PCDHGA9: variants seen among roughly 807,000 people sequenced by gnomAD.
PCDHGA9 encodes the protein protocadherin gamma-A9.
In PCDHGA9, 37 loss-of-function variants were observed where a neutral mutation model predicts 62.5. The ratio of observed to expected loss-of-function variants is 0.59; its 90% CI spans 0.46 to 0.78. The LOEUF (loss-of-function observed/expected upper bound fraction) is 0.78. PCDHGA9 is among the 30% of genes least tolerant of loss of function. PCDHGA9 has a pLI of 0.00. For synonymous variants in PCDHGA9, 459 were observed against 484.6 expected (o/e 0.95, Z 0.69); for missense variants, 1,138 against 1,166.2 (o/e 0.98, Z 0.35).
In PCDHGA9 at chr5:141,403,088, G is replaced by C. The variant is rs1561685667; in HGVS notation, c.136G>C (p.Gly46Arg). ...PEETEKGYIVGNISKDLALEP... is the reference protein window; with the variant it reads ...PEETEKGYIVRNISKDLALEP... The stretch of plus-strand genomic sequence containing the variant: ...AGAGACAGAAAAGGGCTATATTGTG[G>C]GCAACATCTCCAAGGACCTGGCTCT... Residue 46 changes from glycine to arginine, a missense_variant, in exon 1 of 4, where the codon GGC becomes CGC. Coordinates refer to ENST00000573521, the MANE Select transcript of PCDHGA9 (RefSeq NM_018921.3). 1.2e-6 allele frequency: 2 copies of C among 1,614,030 alleles called. No individual in the cohort carries two copies. Among genetic ancestry groups the C allele is most frequent in the Non-Finnish European group, 1.7e-6 (2 of 1,179,896 alleles).
chr5:141,478,272 A>T, intron 1 of PCDHGA9: 7 of 1,614,160 alleles, frequency 4.3e-6, no homozygotes, highest in Non-Finnish European at 5.9e-6. Context: ...AAAGTTTACA[A>T]GTGGAAGCAG....
chr5:141,443,826 G>C (rs955306823), intron 1 of PCDHGA9, among the ~76,000 whole-genome samples: 1 of 151,978 alleles, frequency 6.6e-6, no homozygotes, highest in African/African-American at 2.4e-5. Flanking sequence ...AACATAATTA[G>C]GTAAAATGGG....
Position 141,477,872 on chromosome 5 carries a change from G to A in PCDHGA9, c.2425-16935G>A. The stretch of plus-strand genomic sequence containing the variant: ...GGAGATGCTGCCTCGAGGTACCTCA[G>A]CTGGCCACCTAGTGTCACGGGTGGT... On this transcript the variant is annotated intron_variant, in intron 1 of 3. Coordinates refer to ENST00000573521, the MANE Select transcript of PCDHGA9 (RefSeq NM_018921.3). This position sits in a 1 kb window ranked among gnomAD's most constrained non-coding sequence, Gnocchi z 4.9. The A allele has an allele frequency of 6.2e-7, 1 of 1,614,180 alleles. No individual in the cohort carries two copies. Among genetic ancestry groups the A allele is most frequent in the African/African-American group, 1.3e-5 (1 of 75,058 alleles).
Position 141,476,441 on chromosome 5 carries a change from GAGTTGGT to G in PCDHGA9, c.2425-18362_2425-18356del. 3 of 1,614,160 alleles carry G rather than the reference GAGTTGGT, an allele frequency of 1.9e-6. No homozygotes were observed. The South Asian group carries it at 3.3e-5, about 18-fold the overall frequency. ...ACTGCCCTCTTGCACTGTAACTCTG[GAGTTGGT>G]AGTGGAGAACCCGCTGGAGCTGTTC... On this transcript the variant is annotated intron_variant, in intron 1 of 3. Transcript: ENST00000573521. The surrounding 1 kb of genome is among the most constrained non-coding windows in gnomAD (Gnocchi z 7.6).
chr5:141,421,384 C>T (rs960627405), intron 1 of PCDHGA9: 5 of 1,613,928 alleles, frequency 3.1e-6, no homozygotes, highest in Non-Finnish European at 4.2e-6. Context: ...CTCCAAGGAC[C>T]TGGGGCTGGA....
In PCDHGA9 at chr5:141,432,249, A is replaced by G; in HGVS notation, c.2424+26873A>G. The G allele has an allele frequency of 6.2e-7, 1 of 1,614,206 alleles. No individual in the cohort carries two copies. Among genetic ancestry groups the G allele is most frequent in the Non-Finnish European group, 8.5e-7 (1 of 1,180,044 alleles). On this transcript the variant is annotated intron_variant, in intron 1 of 3. Coordinates refer to ENST00000573521, the MANE Select transcript of PCDHGA9 (RefSeq NM_018921.3). The surrounding 1 kb of genome is among the most constrained non-coding windows in gnomAD (Gnocchi z 6.0). ...TATTCCCTGGCTGAGAACACCATCC[A>G]AGGGGCAAGCCTATCGTCCTACGTG...
chr5:141,415,434 C>T, intron 1 of PCDHGA9: 2 of 1,614,192 alleles, frequency 1.2e-6, no homozygotes, highest in Non-Finnish European at 1.7e-6. Context: ...TTCGGGCTTT[C>T]CTGCAGACCT....
intron 1 of PCDHGA9, among the ~76,000 whole-genome samples, chr5:141,442,917 G>A (rs1041756930): frequency 6.6e-6 from 1 of 152,178 alleles, no homozygotes; most frequent in Non-Finnish European, 1.5e-5. Context: ...GCACACAACT[G>A]TTTCATTTTC....
intron 1 of PCDHGA9, among the ~76,000 whole-genome samples, chr5:141,467,296 A>T (rs1032802325): frequency 1.3e-5 from 2 of 151,740 alleles, no homozygotes; most frequent in South Asian, 4.2e-4. Flanking sequence ...CAAGTGATCC[A>T]CTCACCTCGG....
chr5:141,413,630 C>T (rs746896115), intron 1 of PCDHGA9: 2 of 1,613,692 alleles, frequency 1.2e-6, no homozygotes, highest in Admixed American at 3.3e-5. Flanking sequence ...AATGTCGCTG[C>T]GGGAATGCGT....
At chr5:141,409,511 A>C in intron 1 of PCDHGA9, 1 of 1,614,018 alleles carries the variant, frequency 6.2e-7, no homozygotes, top group Non-Finnish European at 8.5e-7. Flanking sequence ...TTCCAGTAGA[A>C]GCATCACCTT....
At chr5:141,405,473 G>A in intron 1 of PCDHGA9, 97 bp downstream of exon 1, 3 of 1,066,958 alleles carry the variant, frequency 2.8e-6, no homozygotes, top group Non-Finnish European at 4.0e-6. Flanking sequence ...AGGCTGGAAT[G>A]CAGTGGTGTG....
intron 1 of PCDHGA9, among the ~76,000 whole-genome samples, chr5:141,470,537 A>G (rs189730495): frequency 1.3e-5 from 2 of 152,256 alleles, no homozygotes; most frequent in Non-Finnish European, 2.9e-5. Context: ...TGTATCAGGT[A>G]ATATTTATTG....
chr5:141,463,532 T>C (rs1237301892), intron 1 of PCDHGA9, among the ~76,000 whole-genome samples: 2 of 133,692 alleles, frequency 1.5e-5, no homozygotes, highest in Non-Finnish European at 3.1e-5. Flanking sequence ...TACTAGAAAC[T>C]CCGGCTCCCG....
At chr5:141,426,052 G>T (rs2096912121) in intron 1 of PCDHGA9, among the ~76,000 whole-genome samples, 1 of 152,162 alleles carries the variant, frequency 6.6e-6, no homozygotes, top group South Asian at 2.1e-4. Flanking sequence ...TGGCCAATGT[G>T]CTGCAAGAAC....
chr5:141,413,788 G>T (rs2095678300), intron 1 of PCDHGA9: 1 of 1,613,166 alleles, frequency 6.2e-7, no homozygotes, highest in African/African-American at 1.3e-5. Flanking sequence ...GCACTCCCTA[G>T]ATCGCGAGGA....
At position 141,487,603 on chromosome 5, in the gene PCDHGA9, C is replaced by T; in HGVS notation, c.2425-7204C>T. The stretch of plus-strand genomic sequence containing the variant: ...CAAGCTGCCCACCCTCTGATCTTCT[C>T]TATGGGCTAGAGGTGAGACCTTTGC... On this transcript the variant is annotated intron_variant, in intron 1 of 3. Transcript: ENST00000573521. This position sits in a 1 kb window ranked among gnomAD's most constrained non-coding sequence, Gnocchi z 5.0. 1.2e-6 allele frequency: 2 copies of T among 1,614,214 alleles called. No individual in the cohort carries two copies. Among genetic ancestry groups the T allele is most frequent in the Non-Finnish European group, 1.7e-6 (2 of 1,180,042 alleles).
At chr5:141,497,143 GA>G (rs928640875) in intron 2 of PCDHGA9, among the ~76,000 whole-genome samples, 7 of 149,992 alleles carry the variant, frequency 4.7e-5, no homozygotes, top group African/African-American at 9.8e-5. Context: ...CTGAGATCAC[GA>G]AAAAAAAATA....
At chr5:141,503,804 G>A (rs2099831736) in intron 2 of PCDHGA9, among the ~76,000 whole-genome samples, 1 of 152,034 alleles carries the variant, frequency 6.6e-6, no homozygotes, top group South Asian at 2.1e-4. Flanking sequence ...TAGGGACGGG[G>A]AATCCCAGAT....
Sources: allele counts gnomAD v4.1 joint callset (sites outside exome capture counted in the v4.1 genomes callset), GRCh38; gene constraint gnomAD v4.1.1; non-coding constraint Gnocchi (gnomAD v3.1); transcripts MANE v1.5; gene names NCBI Gene and HGNC (gene_info 2026-07-23, HGNC 2026-07-21).